CLIP1: variants seen among roughly 807,000 people sequenced by gnomAD.
CLIP1 encodes the protein CAP-Gly domain containing linker protein 1.
In CLIP1, 66 loss-of-function variants were observed where a neutral mutation model predicts 161.6. The ratio of observed to expected loss-of-function variants is 0.41; its 90% CI spans 0.33 to 0.50. The LOEUF (loss-of-function observed/expected upper bound fraction) is 0.50, where lower values mean the gene tolerates loss of function less well. Among genes scored for constraint, CLIP1 ranks in the 20% least tolerant of loss-of-function variants. The pLI is 0.27. For missense variants in CLIP1, 1,376 were observed against 1,702.0 expected, an observed-to-expected ratio of 0.81 and a Z score of 3.37; for synonymous variants, 598 against 626.2, an observed-to-expected ratio of 0.96 and a Z score of 0.67.
rs146871117 is a variant in CLIP1, at chr12:122,327,929, T to G, written c.3249+18A>C. The G allele has an allele frequency of 8.6e-3, 13,819 of 1,611,914 alleles. 83 individuals are homozygous for G. The highest frequency in any genetic ancestry group is 0.011 in the Non-Finnish European group (12,434 of 1,178,608). On this transcript the variant is annotated intron_variant, in intron 17 of 25. Coordinates refer to ENST00000620786, the MANE Select transcript of CLIP1 (RefSeq NM_001247997.2). The stretch of plus-strand genomic sequence containing the variant: ...TCAGGCAAGCTACAACACAAGGAAA[T>G]TCTCTCGCGTCACGTACTTTGGCTT...
intron 8 of CLIP1, among the ~76,000 whole-genome samples, chr12:122,351,388 T>A (rs912393928): frequency 2.0e-5 from 3 of 152,186 alleles, no homozygotes; most frequent in Non-Finnish European, 4.4e-5. Context: ...GGGGTGTTTT[T>A]AAATGGATGA....
rs202216278 is a variant in CLIP1, at chr12:122,420,934, C to CATTG, written c.-107+1583_-107+1586dup. Among the ~76,000 whole-genome samples the CATTG allele has an allele frequency of 9.9e-5, 15 of 151,590 alleles. No homozygotes were observed. In the East Asian group the frequency reaches 1.4e-3, roughly 14 times the overall value. ...GGGGGGACAGATTGAGGCTCCCTCT[C>CATTG]ATTGATTGATTGATTGATTGATGGA... is the stretch of plus-strand genomic sequence containing the variant. On this transcript the variant is annotated intron_variant, in intron 1 of 25. Coordinates refer to ENST00000620786, the MANE Select transcript of CLIP1 (RefSeq NM_001247997.2).
intron 20 of CLIP1, among the ~76,000 whole-genome samples, chr12:122,292,380 T>C (rs1267084129): frequency 6.6e-6 from 1 of 152,194 alleles, no homozygotes; most frequent in Non-Finnish European, 1.5e-5. Context: ...TATCTCTATT[T>C]ATTTTGATGC....
intron 17 of CLIP1, among the ~76,000 whole-genome samples, chr12:122,321,391 G>A (rs1170046645): frequency 6.0e-5 from 9 of 151,216 alleles, no homozygotes; most frequent in African/African-American, 1.5e-4. Context: ...GATTATAAGC[G>A]CACGCCACCA....
Position 122,341,440 on chromosome 12 carries a change from T to C in CLIP1, c.1764A>G (p.Ile588Met), listed in dbSNP as rs765156085. 1 of 1,613,948 alleles carries C rather than the reference T, an allele frequency of 6.2e-7. No homozygotes were observed. Among genetic ancestry groups the C allele is most frequent in the Non-Finnish European group, 8.5e-7 (1 of 1,179,860 alleles). Reference protein sequence around the residue: ...GAREETHQKEIKALYTATEKL... With the variant: ...GAREETHQKEMKALYTATEKL... ...TTTCCGTGGCGGTATACAGAGCCTTTATCTCCTTCTGATGAGTTTCTTCCC... is the reference window on the plus strand; with the variant it reads ...TTTCCGTGGCGGTATACAGAGCCTTCATCTCCTTCTGATGAGTTTCTTCCC... The change falls in exon 11 of 26, where the codon ATA (isoleucine) becomes ATG (methionine). Residue 588 changes from isoleucine to methionine, a missense_variant. This residue lies in a region of CLIP1 where 948 missense variants were observed against 1,134.8 expected (regional missense o/e 0.84). Transcript: ENST00000620786.
Position 122,275,222 on chromosome 12 carries a change from T to A in CLIP1, c.3967-1060A>T, listed in dbSNP as rs1343703668. The A allele has an allele frequency of 5.3e-5, 8 of 152,096 alleles. No homozygotes were observed. The East Asian group carries it at 1.5e-3, about 29-fold the overall frequency. 9.4% of individuals were successfully genotyped at this position (152,096 alleles called of 1,614,324 possible). ...GATTCATGAAAAAATATAAGAAACA[T>A]TTTTTTAAATAGGAGAAAAAAATCT... On this transcript the variant is annotated intron_variant, in intron 24 of 25. Transcript: ENST00000620786.
intron 3 of CLIP1, among the ~76,000 whole-genome samples, chr12:122,368,147 T>A (rs1566182367): frequency 1.3e-5 from 2 of 152,178 alleles, no homozygotes; most frequent in East Asian, 3.8e-4. Flanking sequence ...CCCTAGATAC[T>A]ATTTTTATGC....
chr12:122,298,967 A>G (rs1032833950), intron 20 of CLIP1, among the ~76,000 whole-genome samples: 2 of 152,206 alleles, frequency 1.3e-5, no homozygotes, highest in African/African-American at 4.8e-5. Flanking sequence ...AAGAAAAAGA[A>G]GAATGATATC....
At chr12:122,408,921 C>T (rs556903388) in intron 1 of CLIP1, among the ~76,000 whole-genome samples, 1 of 152,158 alleles carries the variant, frequency 6.6e-6, no homozygotes, top group South Asian at 2.1e-4. Context: ...AAGTGATTCT[C>T]CTGCGTCAGC....
At chr12:122,410,418 TAC>T (rs1271599125) in intron 1 of CLIP1, among the ~76,000 whole-genome samples, 43 of 151,650 alleles carry the variant, frequency 2.8e-4, no homozygotes, top group African/African-American at 8.0e-4. Flanking sequence ...TATTTATGTA[TAC>T]ACACACACAC....
intron 15 of CLIP1, among the ~76,000 whole-genome samples, chr12:122,329,403 G>A (rs967890461): frequency 1.3e-5 from 2 of 151,762 alleles, no homozygotes; most frequent in South Asian, 2.1e-4. Flanking sequence ...CCGATGGGGG[G>A]GCGGATCACG....
intron 15 of CLIP1, among the ~76,000 whole-genome samples, chr12:122,328,879 G>T (rs552766649): frequency 2.6e-5 from 4 of 152,078 alleles, no homozygotes; most frequent in African/African-American, 9.7e-5. Context: ...CCATGCCTGG[G>T]CACAAGAAAT....
At chr12:122,303,156 TTG>T (rs1253879123) in intron 20 of CLIP1, among the ~76,000 whole-genome samples, 3 of 152,254 alleles carry the variant, frequency 2.0e-5, no homozygotes, top group African/African-American at 7.2e-5. Context: ...CCTGTTAAAC[TTG>T]TGTCATTTTA....
rs1484995954 is a variant in CLIP1 at position 122,340,998 on chromosome 12, G to T, written c.2206C>A (p.Gln736Lys). The change falls in exon 11 of 26, where the codon CAG (glutamine) becomes AAG (lysine). Residue 736 changes from glutamine to lysine, a missense_variant. Physicochemically the swap from Gln to Lys is moderately conservative, Grantham distance 53. Transcript: ENST00000620786. ...TCCTTTACCTTTATTTCAGCTTCCTGTAATTTGTTTAACGTGTCTTCCATT... is the reference window on the plus strand; with the variant it reads ...TCCTTTACCTTTATTTCAGCTTCCTTTAATTTGTTTAACGTGTCTTCCATT... Reference protein sequence around the residue: ...VEMEDTLNKLQEAEIKVKELE... With the variant: ...VEMEDTLNKLKEAEIKVKELE... 6.2e-7 allele frequency: 1 copy of T among 1,614,086 alleles called. No homozygotes were observed.
chr12:122,328,024 GCTTGTC>G lies in CLIP1; in HGVS notation c.3166_3171del (p.Asp1056_Lys1057del). ...CTGTTCTCCTCCCGTGCGCCCTTCAGCTTGTCCTCTGTGTCCAGCAGCGTCTTCTGG... is the reference window on the plus strand; with the variant it reads ...CTGTTCTCCTCCCGTGCGCCCTTCAGCTCTGTGTCCAGCAGCGTCTTCTGG... On this transcript the variant is annotated inframe_deletion, in exon 17 of 26. Coordinates refer to ENST00000620786, the MANE Select transcript of CLIP1 (RefSeq NM_001247997.2). 6.2e-7 allele frequency: 1 copy of G among 1,614,182 alleles called. No homozygotes were observed. Among genetic ancestry groups the G allele is most frequent in the Non-Finnish European group, 8.5e-7 (1 of 1,180,042 alleles).
intron 20 of CLIP1, among the ~76,000 whole-genome samples, chr12:122,295,365 G>A (rs980095052): frequency 6.6e-6 from 1 of 152,000 alleles, no homozygotes; most frequent in Non-Finnish European, 1.5e-5. Flanking sequence ...GTGAGACTCC[G>A]TTTCAAAAAA....
At chr12:122,282,017 A>C (rs1369184464) in intron 21 of CLIP1, among the ~76,000 whole-genome samples, 2 of 152,112 alleles carry the variant, frequency 1.3e-5, no homozygotes, top group East Asian at 3.9e-4. Context: ...TGGGGCCACC[A>C]AACAAACTCT....
chr12:122,359,044 A>G (rs560478373), intron 5 of CLIP1, among the ~76,000 whole-genome samples: 1 of 152,358 alleles, frequency 6.6e-6, no homozygotes, highest in Admixed American at 6.5e-5. Context: ...CCTGGGCAAC[A>G]GCAAGACTCC....
chr12:122,415,039 C>T (rs1038598741), intron 1 of CLIP1, among the ~76,000 whole-genome samples: 2 of 151,838 alleles, frequency 1.3e-5, no homozygotes, highest in Non-Finnish European at 2.9e-5. Context: ...GCCTCGGCGA[C>T]GGAGTGAGAC....
Sources: allele counts gnomAD v4.1 joint callset (sites outside exome capture counted in the v4.1 genomes callset), GRCh38; gene constraint gnomAD v4.1.1; regional missense constraint gnomAD v4.1.1; transcripts MANE v1.5; gene names NCBI Gene and HGNC (gene_info 2026-07-23, HGNC 2026-07-21).